RBM25: variants seen among roughly 807,000 people sequenced by gnomAD.
RBM25 encodes the protein RNA binding motif protein 25.
Under a neutral mutation model 120.7 loss-of-function variants are expected in RBM25, and 19 were observed. The ratio of observed to expected loss-of-function variants is 0.16; its 90% confidence interval spans 0.11 to 0.23. The LOEUF (loss-of-function observed/expected upper bound fraction) is 0.23, where lower values mean the gene tolerates loss of function less well. Ranked by LOEUF, RBM25 falls within the 10% of genes least tolerant of loss-of-function variation. The pLI is 1.00. For missense variants in RBM25, 605 were observed against 1,041.5 expected, an observed-to-expected ratio of 0.58 and a Z score of 5.77; for synonymous variants, 390 against 326.7, an observed-to-expected ratio of 1.19 and a Z score of -2.09.
intron 12 of RBM25, 153 bp from the exon 13 acceptor site, chr14:73,107,673 T>A: frequency 1.6e-6 from 1 of 632,072 alleles, no homozygotes; most frequent in East Asian, 2.9e-5. Flanking sequence ...ACGGCCATGT[T>A]TGTCTTAAAA....
intron 9 of RBM25, chr14:73,100,119 A>T: frequency 2.1e-6 from 1 of 472,446 alleles, no homozygotes; most frequent in Non-Finnish European, 3.7e-6. Context: ...TGATCTTAGG[A>T]ATACCTTTTC....
At chr14:73,059,934 G>A (rs549931415) in intron 1 of RBM25, among the ~76,000 whole-genome samples, 1 of 152,206 alleles carries the variant, frequency 6.6e-6, no homozygotes, top group East Asian at 1.9e-4. Flanking sequence ...CAGTATCCAG[G>A]TAACACACAT....
At chr14:73,090,314 G>A (rs980499276) in intron 6 of RBM25, among the ~76,000 whole-genome samples, 1 of 152,122 alleles carries the variant, frequency 6.6e-6, no homozygotes, top group Non-Finnish European at 1.5e-5. Flanking sequence ...GCCTCTCAAA[G>A]TGCTGGGATT....
At chr14:73,104,278 C>T (rs999744285) in intron 10 of RBM25, among the ~76,000 whole-genome samples, 3 of 151,866 alleles carry the variant, frequency 2.0e-5, no homozygotes, top group Admixed American at 1.3e-4. Context: ...ATCTTTCTGT[C>T]TATAAATTTA....
At chr14:73,091,781 A>T (rs1895819415) in intron 6 of RBM25, among the ~76,000 whole-genome samples, 1 of 152,072 alleles carries the variant, frequency 6.6e-6, no homozygotes, top group African/African-American at 2.4e-5. Context: ...GGAGGCTGAG[A>T]CAGGAAAATC....
intron 6 of RBM25, among the ~76,000 whole-genome samples, chr14:73,092,797 G>A (rs1895848576): frequency 6.6e-6 from 1 of 151,954 alleles, no homozygotes; most frequent in Admixed American, 6.6e-5. Flanking sequence ...GAACTCCTGG[G>A]CTCAAGCAGT....
intron 5 of RBM25, among the ~76,000 whole-genome samples, chr14:73,084,214 T>G (rs1366477599): frequency 6.6e-6 from 1 of 152,186 alleles, no homozygotes. Flanking sequence ...GTTAATTTTT[T>G]AAATAGTTGA....
chr14:73,095,850 GTA>G (rs1447397181), intron 6 of RBM25, among the ~76,000 whole-genome samples: 1 of 152,106 alleles, frequency 6.6e-6, no homozygotes, highest in Non-Finnish European at 1.5e-5. Context: ...AATGTGCACG[GTA>G]TATGTTTACC....
At chr14:73,068,152 G>T in intron 1 of RBM25, 1 of 826,962 alleles carries the variant, frequency 1.2e-6, no homozygotes, top group Non-Finnish European at 2.0e-6. Context: ...ATGGCTGCTT[G>T]GTCCTGGATG....
At chr14:73,082,833 G>A (rs148619533) in intron 4 of RBM25, among the ~76,000 whole-genome samples, 7 of 151,944 alleles carry the variant, frequency 4.6e-5, no homozygotes, top group Non-Finnish European at 7.4e-5. Context: ...AGGCTGAGGC[G>A]GGCAGATCAC....
In RBM25 at chr14:73,122,383, T is replaced by C. The variant is rs886143078; in HGVS notation, c.*2578T>C. On this transcript the variant is annotated 3_prime_UTR_variant, in exon 19 of 19. Coordinates refer to ENST00000261973, the MANE Select transcript of RBM25 (RefSeq NM_021239.3). ...TTCCGCCTCCCGGGTTCTGGAGATA[T>C]TCTGCTTCAGTTTTCTGAGTAGCTG... 13 of 151,898 alleles carry C rather than the reference T, an allele frequency of 8.6e-5. No homozygotes were observed. Among genetic ancestry groups the C allele is most frequent in the Admixed American group, 7.2e-4 (11 of 15,224 alleles). 9.4% of individuals were successfully genotyped at this position (151,898 alleles called of 1,614,324 possible).
At chr14:73,103,995 C>CTG (rs1491165027) in intron 10 of RBM25, among the ~76,000 whole-genome samples, 3 of 117,062 alleles carry the variant, frequency 2.6e-5, no homozygotes, top group African/African-American at 8.7e-5. Flanking sequence ...CACACACACA[C>CTG]TCTCTCTCTC....
At chr14:73,091,454 TC>T (rs1481869225) in intron 6 of RBM25, among the ~76,000 whole-genome samples, 1 of 152,180 alleles carries the variant, frequency 6.6e-6, no homozygotes, top group Non-Finnish European at 1.5e-5. Flanking sequence ...GCTTAAGTGA[TC>T]CACCTACTTC....
At chr14:73,082,786 G>T (rs778267333) in intron 4 of RBM25, among the ~76,000 whole-genome samples, 2 of 152,094 alleles carry the variant, frequency 1.3e-5, no homozygotes, top group Non-Finnish European at 2.9e-5. Flanking sequence ...GGATGGCTGG[G>T]CGCAGTGGCT....
At chr14:73,060,085 G>T (rs1894965454) in intron 1 of RBM25, among the ~76,000 whole-genome samples, 1 of 152,092 alleles carries the variant, frequency 6.6e-6, no homozygotes, top group South Asian at 2.1e-4. Flanking sequence ...TGTTGCCCAG[G>T]CTGGAGTGCG....
intron 15 of RBM25, 113 bp from the exon 16 acceptor site, chr14:73,111,415 C>T: frequency 1.6e-6 from 2 of 1,229,236 alleles, no homozygotes; most frequent in Non-Finnish European, 2.3e-6. Context: ...CAGTTGGGAT[C>T]TTTCTCTAAG....
chr14:73,076,747 T>A (rs1047962233), intron 3 of RBM25, among the ~76,000 whole-genome samples: 2 of 152,212 alleles, frequency 1.3e-5, no homozygotes, highest in Non-Finnish European at 2.9e-5. Flanking sequence ...TTGTAAAAAT[T>A]AAAATTTTGA....
chr14:73,111,214 A>G (rs1197196271), intron 15 of RBM25, 59 bp downstream of exon 15: 1 of 1,385,984 alleles, frequency 7.2e-7, no homozygotes, highest in African/African-American at 1.5e-5. Context: ...AAATACCTGT[A>G]TTGTGCTTTA....
At chr14:73,099,558 T>C in intron 8 of RBM25, 109 bp from the exon 9 acceptor site, 1 of 1,585,778 alleles carries the variant, frequency 6.3e-7, no homozygotes, top group Non-Finnish European at 8.5e-7. Context: ...GTGGATATTC[T>C]GTTTACTTAT....
Sources: gnomAD v4.1 joint callset for allele counts (sites outside exome capture counted in the v4.1 genomes callset) on GRCh38, gnomAD v4.1.1 for gene constraint, MANE v1.5 for transcripts, NCBI Gene and HGNC (gene_info 2026-07-23, HGNC 2026-07-21) for gene names.